IQCJ: variants seen among roughly 807,000 people sequenced by gnomAD.
IQCJ encodes the protein IQ domain-containing protein J.
Under a neutral mutation model 11.0 loss-of-function variants are expected in IQCJ, and 9 were observed. The observed-to-expected ratio is 0.82, with a 90% CI of 0.49 to 1.43. The LOEUF is 1.43. Ranked by LOEUF, IQCJ falls within the 40% of genes most tolerant of loss-of-function variation. The pLI is 0.00. For synonymous variants in IQCJ, 55 were observed against 51.3 expected, an observed-to-expected ratio of 1.07 and a Z score of -0.31; for missense variants, 146 against 133.2, an observed-to-expected ratio of 1.10 and a Z score of -0.47.
chr3:159,233,805 C>A (rs1490406917), intron 1 of IQCJ, among the ~76,000 whole-genome samples: 1 of 152,170 alleles, frequency 6.6e-6, no homozygotes. Flanking sequence ...CTTTAGAGTA[C>A]ACAAAACACC....
At chr3:159,168,556 T>A (rs1048268167) in intron 1 of IQCJ, among the ~76,000 whole-genome samples, 2 of 152,178 alleles carry the variant, frequency 1.3e-5, no homozygotes, top group African/African-American at 4.8e-5. Flanking sequence ...TAGACACTCA[T>A]GTTACAAAAT....
intron 1 of IQCJ, among the ~76,000 whole-genome samples, chr3:159,240,974 T>C (rs751722574): frequency 2.6e-5 from 4 of 152,242 alleles, no homozygotes; most frequent in Non-Finnish European, 4.4e-5. Flanking sequence ...TGAACTTTTA[T>C]AATGCTATGG....
At chr3:159,100,102 G>A (rs1366681353) in intron 1 of IQCJ, among the ~76,000 whole-genome samples, 1 of 8,966 alleles carries the variant, frequency 1.1e-4, no homozygotes, top group Non-Finnish European at 2.0e-4. Flanking sequence ...TTCCCTTCTC[G>A]CTTCATTTCA....
chr3:159,082,477 A>T (rs540208706), intron 1 of IQCJ, among the ~76,000 whole-genome samples: 50 of 151,884 alleles, frequency 3.3e-4, no homozygotes, highest in Non-Finnish European at 6.2e-4. Flanking sequence ...CAAGTGTTTT[A>T]GGGGAAAGAT....
intron 1 of IQCJ, among the ~76,000 whole-genome samples, chr3:159,169,719 A>T (rs1183712821): frequency 1.3e-5 from 2 of 152,170 alleles, no homozygotes. Flanking sequence ...AGCTTAGATC[A>T]GTTGGACCCA....
chr3:159,189,273 A>G (rs1723547022), intron 1 of IQCJ, among the ~76,000 whole-genome samples: 1 of 152,184 alleles, frequency 6.6e-6, no homozygotes, highest in South Asian at 2.1e-4. Context: ...TACATGATAA[A>G]AAGTTATATA....
chr3:159,236,691 G>A (rs1224006809), intron 1 of IQCJ, among the ~76,000 whole-genome samples: 1 of 152,194 alleles, frequency 6.6e-6, no homozygotes, highest in Non-Finnish European at 1.5e-5. Context: ...GGACACAGCA[G>A]CCTAGCTAGC....
intron 1 of IQCJ, among the ~76,000 whole-genome samples, chr3:159,138,390 T>TA (rs1455811967): frequency 2.0e-5 from 3 of 152,170 alleles, no homozygotes; most frequent in Non-Finnish European, 2.9e-5. Context: ...TTTTCATAGC[T>TA]AAAAAAACCC....
chr3:159,069,436 C>G lies in IQCJ; in HGVS notation c.4C>G (p.Arg2Gly). 6.2e-7 allele frequency: 1 copy of G among 1,608,660 alleles called. No individual in the cohort carries two copies. Among genetic ancestry groups the G allele is most frequent in the Non-Finnish European group, 8.5e-7 (1 of 1,177,584 alleles). ...CAGGTGTTCCAGAAACTTCAAAATG[C>G]GTCTGGTAATGTATTTGCTTTTCTA... M[R>G]LEELKRLQNP... The change falls in exon 1 of 4, where the codon CGT becomes GGT. Residue 2 changes from arginine to glycine, a missense_variant. Physicochemically the swap from Arg to Gly is moderately radical, Grantham distance 125 (BLOSUM62 -2). Coordinates refer to ENST00000397832, the MANE Select transcript of IQCJ (RefSeq NM_001042706.3).
intron 1 of IQCJ, among the ~76,000 whole-genome samples, chr3:159,226,414 A>G (rs1725856063): frequency 2.6e-5 from 4 of 152,188 alleles, no homozygotes. Context: ...AAGACCAAAT[A>G]TTATAACGAA....
intron 1 of IQCJ, among the ~76,000 whole-genome samples, chr3:159,214,732 A>G (rs1045974529): frequency 6.6e-6 from 1 of 152,192 alleles, no homozygotes; most frequent in South Asian, 2.1e-4. Context: ...TATGCGTCCA[A>G]TCTACCTTTC....
chr3:159,121,145 T>C lies in IQCJ; in HGVS notation c.9+51704T>C, dbSNP rs373829763. 5.8e-3 allele frequency among the ~76,000 whole-genome samples: 721 copies of C among 123,542 alleles called. 2 individuals carry two copies. The highest frequency in any genetic ancestry group is 0.014 in the African/African-American group (429 of 30,390). The allele number at this position is 123,542 out of a possible 152,430, so 81.0% of individuals were successfully genotyped here. A position where few individuals can be genotyped will look rare whatever the true frequency, so the allele number is the denominator to read the frequency against. ...TGGGCATTTTTCTTTTTTCTTTTTT[T>C]TTTTTTTAATTAGGGTCTTGCACTG... On this transcript the variant is annotated intron_variant, in intron 1 of 3. Transcript: ENST00000397832.
chr3:159,159,406 G>A (rs1721710224), intron 1 of IQCJ, among the ~76,000 whole-genome samples: 1 of 152,076 alleles, frequency 6.6e-6, no homozygotes, highest in Non-Finnish European at 1.5e-5. Flanking sequence ...AGCTCTGGGA[G>A]GTACAGTCTC....
chr3:159,235,909 C>G (rs1324744612), intron 1 of IQCJ, among the ~76,000 whole-genome samples: 1 of 152,116 alleles, frequency 6.6e-6, no homozygotes, highest in Non-Finnish European at 1.5e-5. Flanking sequence ...TAGAAGGCAG[C>G]TAATGTTAAT....
At chr3:159,229,296 C>T (rs1216794473) in intron 1 of IQCJ, among the ~76,000 whole-genome samples, 2 of 152,190 alleles carry the variant, frequency 1.3e-5, no homozygotes, top group Non-Finnish European at 2.9e-5. Flanking sequence ...TTAGCCTTTT[C>T]TTGGCCCTAT....
rs1217529956 is a variant in IQCJ at position 159,262,699 on chromosome 3, C to A, written c.307C>A (p.Leu103Ile). The A allele has an allele frequency of 1.2e-6, 2 of 1,613,672 alleles. No individual in the cohort carries two copies. Among genetic ancestry groups the A allele is most frequent in the African/African-American group, 1.3e-5 (1 of 74,904 alleles). ...DSSTPVSVMFLFLCPDLTFN is the reference protein window; with the variant it reads ...DSSTPVSVMFIFLCPDLTFN ...CAGCACACCCGTGAGTGTCATGTTTCTTTTTCTATGTCCTGACTTGACATT... is the reference window on the plus strand; with the variant it reads ...CAGCACACCCGTGAGTGTCATGTTTATTTTTCTATGTCCTGACTTGACATT... Residue 103 changes from leucine (L) to isoleucine (I), a missense_variant, in exon 4 of 4, where the codon CTT (leucine) becomes ATT (isoleucine). By Grantham distance (5) the Leu-to-Ile change is conservative. Coordinates refer to ENST00000397832, the MANE Select transcript of IQCJ (RefSeq NM_001042706.3).
chr3:159,164,138 C>T (rs1490492722), intron 1 of IQCJ, among the ~76,000 whole-genome samples: 1 of 152,164 alleles, frequency 6.6e-6, no homozygotes, highest in African/African-American at 2.4e-5. Context: ...TTTAAACTTA[C>T]TTTATAAAAC....
intron 1 of IQCJ, among the ~76,000 whole-genome samples, chr3:159,178,151 C>A (rs1301765518): frequency 1.3e-5 from 2 of 152,076 alleles, no homozygotes; most frequent in Non-Finnish European, 2.9e-5. Context: ...TTAAAGATTT[C>A]TTTATTTCTA....
intron 1 of IQCJ, among the ~76,000 whole-genome samples, chr3:159,075,141 G>A (rs1715827276): frequency 6.6e-6 from 1 of 152,088 alleles, no homozygotes. Context: ...CGCTAAATAA[G>A]CTTTAGGTAC....
Sources: allele counts gnomAD v4.1 joint callset (sites outside exome capture counted in the v4.1 genomes callset), GRCh38; gene constraint gnomAD v4.1.1; transcripts MANE v1.5; gene names NCBI Gene and HGNC (gene_info 2026-07-23, HGNC 2026-07-21).